The following SH3BGRL variants were observed in gnomAD, a reference collection of about 807,000 sequenced individuals.
The protein encoded by SH3BGRL is SH3 domain binding glutamate rich protein like.
SH3BGRL carries 7 observed loss-of-function variants against 9.8 expected under a neutral mutation model. The ratio of observed to expected loss-of-function variants is 0.72; its 90% CI spans 0.41 to 1.35. The LOEUF is 1.35. Among genes scored for constraint, SH3BGRL ranks in the 40% most tolerant of loss-of-function variants. SH3BGRL has a pLI of 0.01. For synonymous variants in SH3BGRL, 36 were observed against 29.1 expected (o/e 1.24, Z -0.76); for missense variants, 73 against 84.4 (o/e 0.86, Z 0.53).
intron 1 of SH3BGRL, among the ~76,000 whole-genome samples, chrX:81,226,502 A>C (rs1302366934): frequency 3.8e-4 from 39 of 103,967 alleles, no homozygotes; most frequent in Non-Finnish European, 3.1e-4. Flanking sequence ...ATATATATAT[A>C]TATATCTATA....
At chrX:81,204,250 A>C (rs1381416600) in intron 1 of SH3BGRL, among the ~76,000 whole-genome samples, 1 of 112,438 alleles carries the variant, frequency 8.9e-6, no homozygotes, top group African/African-American at 3.2e-5. Flanking sequence ...TAATGCCAAA[A>C]TAAATCCTTG....
chrX:81,289,400 C>T (rs1001391522), intron 3 of SH3BGRL, among the ~76,000 whole-genome samples: 5 of 110,171 alleles, frequency 4.5e-5, no homozygotes, highest in Admixed American at 9.6e-5. Flanking sequence ...GCACAGGCAA[C>T]GAAAGTAATC....
intron 1 of SH3BGRL, among the ~76,000 whole-genome samples, chrX:81,227,577 A>G (rs947931027): frequency 9.0e-6 from 1 of 111,567 alleles, no homozygotes; most frequent in African/African-American, 3.3e-5. Flanking sequence ...AAAGGAAATC[A>G]GTTGTCTTAT....
chrX:81,210,097 C>G (rs1176292325), intron 1 of SH3BGRL, among the ~76,000 whole-genome samples: 1 of 110,505 alleles, frequency 9.0e-6, no homozygotes, highest in South Asian at 3.9e-4. Context: ...GAAATGAGAC[C>G]CTATCCTAGA....
In SH3BGRL at chrX:81,211,443, C is replaced by T. The variant is rs751445038; in HGVS notation, c.45+9198C>T. Among the ~76,000 whole-genome samples, 584 of 111,211 alleles carry T rather than the reference C, an allele frequency of 5.3e-3. 2 individuals are homozygous for T. Among genetic ancestry groups the T allele is most frequent in the Middle Eastern group, 0.014 (3 of 215 alleles). On this transcript the variant is annotated intron_variant, in intron 1 of 3. Coordinates refer to ENST00000373212, the MANE Select transcript of SH3BGRL (RefSeq NM_003022.3). ...TACTGAAAATACAAAAAAAATTAGC[C>T]GGGCGTGGTGGCGGGCGCCTGTAGT...
At chrX:81,285,392 A>G (rs2075831144) in intron 3 of SH3BGRL, among the ~76,000 whole-genome samples, 1 of 111,809 alleles carries the variant, frequency 8.9e-6, no homozygotes, top group African/African-American at 3.2e-5. Flanking sequence ...GTTGGCATAA[A>G]TTGGTACCCC....
intron 3 of SH3BGRL, among the ~76,000 whole-genome samples, chrX:81,292,343 G>A (rs1165266656): frequency 8.9e-6 from 1 of 111,868 alleles, no homozygotes; most frequent in Non-Finnish European, 1.9e-5. Context: ...ATCATCTGGA[G>A]CAGTGGCCTG....
intron 1 of SH3BGRL, among the ~76,000 whole-genome samples, chrX:81,271,669 T>C (rs2147707985): frequency 9.0e-6 from 1 of 111,011 alleles, no homozygotes; most frequent in South Asian, 3.8e-4. Flanking sequence ...TGGAAAACAC[T>C]CTGCAGGATA....
Position 81,278,391 on chromosome X carries a change from A to T in SH3BGRL, c.292A>T (p.Thr98Ser), listed in dbSNP as rs1041824486. 8.4e-7 allele frequency: 1 copy of T among 1,187,919 alleles called. No homozygotes were observed. Residue 98 changes from threonine (T) to serine (S), a missense_variant, in exon 3 of 4, where the codon ACA becomes TCA. By Grantham distance (58) the Thr-to-Ser change is moderately conservative. Transcript: ENST00000373212. ...TGCAGTGTATGCCTTCTTAGGCTTGACAGCCCCACCTGGTTCAAAGGTATG... is the reference window on the plus strand; with the variant it reads ...TGCAGTGTATGCCTTCTTAGGCTTGTCAGCCCCACCTGGTTCAAAGGTATG... ...NNAVYAFLGL[T>S]APPGSKEAEV...
At chrX:81,268,828 T>G (rs760025062) in intron 1 of SH3BGRL, among the ~76,000 whole-genome samples, 252 of 111,148 alleles carry the variant, frequency 2.3e-3, no homozygotes, top group Non-Finnish European at 3.9e-3. Flanking sequence ...GTTAAAGTCT[T>G]CCATTATTAT....
chrX:81,236,900 G>GGAGA lies in SH3BGRL; in HGVS notation c.45+34682_45+34685dup, dbSNP rs3051997. Among the ~76,000 whole-genome samples the GGAGA allele has an allele frequency of 1.7e-3, 163 of 97,392 alleles. 1 individual carries two copies. The highest frequency in any genetic ancestry group is 5.6e-3 in the Middle Eastern group (1 of 177). 84.6% of individuals were successfully genotyped at this position (97,392 alleles called of 115,157 possible). On this transcript the variant is annotated intron_variant, in intron 1 of 3. Coordinates refer to ENST00000373212, the MANE Select transcript of SH3BGRL (RefSeq NM_003022.3). Reference sequence around the variant, plus strand: ...GACGGAGGGAGAGAGAGAGGCTGAGGGAGAGAGAGAGAGAGAGAGAGAGAG... The same window carrying GGAGA: ...GACGGAGGGAGAGAGAGAGGCTGAGGGAGAGAGAGAGAGAGAGAGAGAGAGAGAG...
intron 1 of SH3BGRL, among the ~76,000 whole-genome samples, chrX:81,215,485 A>G (rs2075578700): frequency 9.0e-6 from 1 of 111,452 alleles, no homozygotes; most frequent in Non-Finnish European, 1.9e-5. Flanking sequence ...AGAAAAGGCC[A>G]GGAATAAAGA....
At chrX:81,224,323 G>C (rs1376111612) in intron 1 of SH3BGRL, among the ~76,000 whole-genome samples, 1 of 111,136 alleles carries the variant, frequency 9.0e-6, no homozygotes, top group Non-Finnish European at 1.9e-5. Context: ...TAGGGAAATG[G>C]GTTAACCTTT....
intron 1 of SH3BGRL, among the ~76,000 whole-genome samples, chrX:81,210,355 GTATGT>G (rs1239903393): frequency 1.8e-5 from 2 of 111,103 alleles, no homozygotes; most frequent in Admixed American, 9.6e-5. Context: ...GTTCTCTTCA[GTATGT>G]TATATCAAAT....
chrX:81,269,842 T>C (rs1483254879), intron 1 of SH3BGRL, among the ~76,000 whole-genome samples: 4 of 111,842 alleles, frequency 3.6e-5, no homozygotes, highest in Non-Finnish European at 1.9e-5. Flanking sequence ...TCCCCATCAC[T>C]TTCAGGTACA....
intron 1 of SH3BGRL, among the ~76,000 whole-genome samples, chrX:81,204,713 T>A (rs1049386713): frequency 9.0e-5 from 10 of 111,373 alleles, no homozygotes; most frequent in Non-Finnish European, 1.7e-4. Flanking sequence ...TCCCAGCCAC[T>A]CGGGAGGCTG....
chrX:81,242,608 G>A (rs1464587542), intron 1 of SH3BGRL, among the ~76,000 whole-genome samples: 8 of 111,433 alleles, frequency 7.2e-5, no homozygotes, highest in African/African-American at 2.6e-4. Flanking sequence ...GCACAGCAAG[G>A]GAACAATCAA....
chrX:81,276,194 A>T (rs2075797937), intron 1 of SH3BGRL, among the ~76,000 whole-genome samples: 1 of 110,220 alleles, frequency 9.1e-6, no homozygotes, highest in Non-Finnish European at 1.9e-5. Flanking sequence ...ACTGAATAGT[A>T]TTAATTTTAC....
intron 3 of SH3BGRL, among the ~76,000 whole-genome samples, chrX:81,286,528 AGGGG>A (rs2075834979): frequency 1.1e-5 from 1 of 91,197 alleles, no homozygotes; most frequent in African/African-American, 4.1e-5. Flanking sequence ...AAAAAAAGAG[AGGGG>A]AAAAGCAGGA....
Sources: allele counts gnomAD v4.1 joint callset (sites outside exome capture counted in the v4.1 genomes callset), GRCh38; gene constraint gnomAD v4.1.1; transcripts MANE v1.5; gene names NCBI Gene and HGNC (gene_info 2026-07-23, HGNC 2026-07-21).